The following ME3 variants were observed in gnomAD, a reference collection of about 807,000 sequenced individuals.
ME3 encodes the protein malic enzyme 3.
Under a neutral mutation model 68.9 loss-of-function variants are expected in ME3, and 48 were observed. The observed-to-expected ratio is 0.70, with a 90% CI of 0.55 to 0.89. The LOEUF (loss-of-function observed/expected upper bound fraction) is 0.89. Ranked by LOEUF, ME3 falls within the 40% of genes least tolerant of loss-of-function variation. The pLI, the probability that ME3 is intolerant of heterozygous loss-of-function variation, is 0.00. For synonymous variants in ME3, 320 were observed against 318.8 expected (o/e 1.00, Z -0.04); for missense variants, 675 against 797.4 (o/e 0.85, Z 1.85).
At chr11:86,601,275 C>T (rs1169495894) in intron 2 of ME3, among the ~76,000 whole-genome samples, 2 of 152,092 alleles carry the variant, frequency 1.3e-5, no homozygotes, top group Admixed American at 6.5e-5. Flanking sequence ...GGGGATATCA[C>T]CACCAATCCC....
intron 2 of ME3, among the ~76,000 whole-genome samples, chr11:86,595,694 C>T (rs113499211): frequency 0.011 from 1,678 of 152,346 alleles, 24 homozygotes; most frequent in African/African-American, 0.036. Context: ...ATCTGCCTGA[C>T]TCCAGGCCCT....
intron 2 of ME3, among the ~76,000 whole-genome samples, chr11:86,656,324 C>G (rs1253925140): frequency 9.2e-5 from 14 of 151,734 alleles, no homozygotes; most frequent in South Asian, 8.3e-4. Context: ...GCACTATTCA[C>G]AATAGCAAAG....
chr11:86,545,662 A>G (rs1956319258), intron 4 of ME3, among the ~76,000 whole-genome samples: 1 of 152,232 alleles, frequency 6.6e-6, no homozygotes, highest in Admixed American at 6.5e-5. Flanking sequence ...AGGAAATAAG[A>G]GAGGACATAA....
intron 2 of ME3, among the ~76,000 whole-genome samples, chr11:86,640,931 G>A (rs1449467453): frequency 6.6e-6 from 1 of 151,766 alleles, no homozygotes; most frequent in African/African-American, 2.4e-5. Flanking sequence ...TCCCCAGAGG[G>A]AAAGATGGGG....
chr11:86,543,491 AG>A (rs1956173222), intron 4 of ME3, among the ~76,000 whole-genome samples: 1 of 152,202 alleles, frequency 6.6e-6, no homozygotes, highest in South Asian at 2.1e-4. Flanking sequence ...CAAAAAAAGC[AG>A]GGGTTGCAAT....
intron 2 of ME3, among the ~76,000 whole-genome samples, chr11:86,603,252 G>GA (rs1360174843): frequency 6.7e-6 from 1 of 149,880 alleles, no homozygotes; most frequent in Non-Finnish European, 1.5e-5. Flanking sequence ...AAATTTACAA[G>GA]AAAAAAACAA....
At chr11:86,586,374 G>A (rs192429433) in intron 2 of ME3, among the ~76,000 whole-genome samples, 6 of 152,272 alleles carry the variant, frequency 3.9e-5, no homozygotes, top group East Asian at 3.9e-4. Context: ...CAGCTGACCC[G>A]GCAGCATCTC....
intron 6 of ME3, among the ~76,000 whole-genome samples, chr11:86,493,502 G>A (rs73504228): frequency 4.5e-4 from 68 of 152,300 alleles, no homozygotes; most frequent in African/African-American, 1.6e-3. Context: ...TCTGAGCCTC[G>A]TTTCCCATGT....
At chr11:86,633,269 G>C (rs1295160890) in intron 2 of ME3, among the ~76,000 whole-genome samples, 2 of 152,198 alleles carry the variant, frequency 1.3e-5, no homozygotes, top group East Asian at 3.8e-4. Context: ...CTTACTATTT[G>C]CTAGGTACTT....
At chr11:86,448,199 G>T in exon 11 of ME3, 1 of 1,614,152 alleles carries the variant, frequency 6.2e-7, no homozygotes, top group Non-Finnish European at 8.5e-7. Context: ...CCAGGGAGTT[G>T]ACTTCAGGAT....
intron 3 of ME3, 110 bp downstream of exon 3, chr11:86,559,580 G>T: frequency 7.4e-7 from 1 of 1,342,294 alleles, no homozygotes; most frequent in Middle Eastern, 2.8e-4. Context: ...ATCTCTTTGG[G>T]CTCTCAGCCT....
intron 2 of ME3, among the ~76,000 whole-genome samples, chr11:86,604,095 TAATA>T (rs1425433305): frequency 5.5e-5 from 8 of 146,304 alleles, no homozygotes; most frequent in African/African-American, 1.5e-4. Flanking sequence ...TAAAGTATAA[TAATA>T]AAAAAAAAAG....
intron 2 of ME3, among the ~76,000 whole-genome samples, chr11:86,620,913 C>T (rs930524401): frequency 6.6e-6 from 1 of 152,202 alleles, no homozygotes; most frequent in African/African-American, 2.4e-5. Flanking sequence ...CCTAGGCCCA[C>T]TTGTCTTGGT....
At chr11:86,653,452 T>C (rs949817271) in intron 2 of ME3, among the ~76,000 whole-genome samples, 6 of 152,124 alleles carry the variant, frequency 3.9e-5, no homozygotes, top group East Asian at 3.9e-4. Context: ...CTCTCAAAAC[T>C]GCTCAACTAC....
intron 8 of ME3, among the ~76,000 whole-genome samples, chr11:86,458,457 G>A (rs2138682520): frequency 6.6e-6 from 1 of 152,262 alleles, no homozygotes; most frequent in South Asian, 2.1e-4. Flanking sequence ...AATTTGGAAA[G>A]AACCAGAAGG....
At chr11:86,603,426 A>T (rs981429378) in intron 2 of ME3, among the ~76,000 whole-genome samples, 5 of 152,170 alleles carry the variant, frequency 3.3e-5, no homozygotes, top group African/African-American at 1.2e-4. Flanking sequence ...TTAGAATGGC[A>T]ATCATTAAAA....
At chr11:86,564,953 T>A (rs563972719) in intron 2 of ME3, among the ~76,000 whole-genome samples, 1 of 152,286 alleles carries the variant, frequency 6.6e-6, no homozygotes, top group East Asian at 1.9e-4. Flanking sequence ...TATCTGATAA[T>A]GGTTTAATAT....
At chr11:86,475,952 CAG>C (rs1951062752) in intron 7 of ME3, among the ~76,000 whole-genome samples, 1 of 151,318 alleles carries the variant, frequency 6.6e-6, no homozygotes, top group African/African-American at 2.4e-5. Flanking sequence ...GAGAGGGACT[CAG>C]AATGTGAACA....
intron 2 of ME3, among the ~76,000 whole-genome samples, chr11:86,658,320 A>G (rs1211485959): frequency 6.6e-6 from 1 of 151,826 alleles, no homozygotes; most frequent in African/African-American, 2.4e-5. Context: ...ATGGGGTTTC[A>G]TCATGTTGTC....
Sources: allele counts gnomAD v4.1 joint callset (sites outside exome capture counted in the v4.1 genomes callset), GRCh38; gene constraint gnomAD v4.1.1; transcripts MANE v1.5; gene names NCBI Gene and HGNC (gene_info 2026-07-23, HGNC 2026-07-21).